DNAH11: variants seen among roughly 807,000 people sequenced by gnomAD.
DNAH11 encodes axonemal beta dynein heavy chain 11.
A neutral mutation model predicts 526.0 loss-of-function variants in DNAH11; 442 were observed. That is an observed-to-expected ratio of 0.84 (90% CI 0.78 to 0.91). The LOEUF (loss-of-function observed/expected upper bound fraction) is 0.91, where lower values mean the gene tolerates loss of function less well. Ranked by LOEUF, DNAH11 falls within the 40% of genes least tolerant of loss-of-function variation. The pLI is 0.00. For synonymous variants in DNAH11, 2,461 were observed against 1,935.9 expected (o/e 1.27, Z -7.12); for missense variants, 6,989 against 5,448.7 (o/e 1.28, Z -8.90).
At chr7:21,854,712 T>C (rs145903206) in intron 68 of DNAH11, among the ~76,000 whole-genome samples, 1,599 of 151,882 alleles carry the variant, frequency 0.011, 33 homozygotes, top group African/African-American at 0.036. Flanking sequence ...CTGGCTAATT[T>C]TTGTATTTTT....
Position 21,739,595 on chromosome 7 carries a change from T to G in DNAH11, c.7836T>G (p.Leu2612=). 1.9e-6 allele frequency: 3 copies of G among 1,612,694 alleles called. No homozygotes were observed. The highest frequency in any genetic ancestry group is 1.7e-6 in the Non-Finnish European group (2 of 1,179,428). The change falls in exon 48 of 82, where the codon CTT becomes CTG. Residue 2612 remains leucine, a synonymous_variant. Coordinates refer to ENST00000409508, the MANE Select transcript of DNAH11 (RefSeq NM_001277115.2). ...GHWYDRQKVM[L]KEIHNCQYVA... ...GGTATGATAGACAGAAGGTGATGCT[T>G]AAAGAAATCCATAACTGCCAGTATG...
chr7:21,702,800 C>T lies in DNAH11; in HGVS notation c.6271C>T (p.Gln2091Ter), dbSNP rs749172676. Residue 2091 changes from glutamine to a stop codon, truncating the protein, a stop_gained and splice_region_variant, in exon 37 of 82, where the codon CAG becomes TAG. Transcript: ENST00000409508. LOFTEE classifies it high-confidence loss of function. ...KRGDKNRPED[Q>*]VLMRALRDFN... is the part of the protein sequence containing the mutation. The stretch of plus-strand genomic sequence containing the variant: ...AGGAGATAAAAATAGACCCGAAGAT[C>T]AGGTACTGCAATGCTAATATGATTT... The T allele has an allele frequency of 6.2e-7, 1 of 1,611,736 alleles. No homozygotes were observed. Among genetic ancestry groups the T allele is most frequent in the Non-Finnish European group, 8.5e-7 (1 of 1,178,582 alleles).
At chr7:21,790,664 T>G (rs1788442530) in intron 61 of DNAH11, among the ~76,000 whole-genome samples, 2 of 152,116 alleles carry the variant, frequency 1.3e-5, no homozygotes, top group Admixed American at 6.5e-5. Context: ...AGATGTTGGT[T>G]AGGAACCACC....
chr7:21,675,605 A>T (rs1182444976), intron 30 of DNAH11, among the ~76,000 whole-genome samples: 1 of 152,190 alleles, frequency 6.6e-6, no homozygotes, highest in Non-Finnish European at 1.5e-5. Context: ...ATCTTGTATG[A>T]GTGAGTGAAT....
In DNAH11 at chr7:21,735,677, G is replaced by A; in HGVS notation, c.7478G>A (p.Arg2493Lys). ...CACACAACAGAGACAGCTCGTCTTA[G>A]ATATTTCATGGAGTTGTTGCTTGAG... ...LVHTTETARL[R>K]YFMELLLEKG... Residue 2493 changes from arginine (R) to lysine (K), a missense_variant, in exon 46 of 82, where the codon AGA (arginine) becomes AAA (lysine). Arg to Lys is a conservative substitution (Grantham distance 26, BLOSUM62 2). Coordinates refer to ENST00000409508, the MANE Select transcript of DNAH11 (RefSeq NM_001277115.2). 6.2e-7 allele frequency: 1 copy of A among 1,609,948 alleles called. No individual in the cohort carries two copies. Among genetic ancestry groups the A allele is most frequent in the Non-Finnish European group, 8.5e-7 (1 of 1,177,732 alleles).
At chr7:21,804,440 C>G (rs916157221) in intron 62 of DNAH11, among the ~76,000 whole-genome samples, 10 of 152,230 alleles carry the variant, frequency 6.6e-5, no homozygotes, top group Admixed American at 3.9e-4. Context: ...TAACTTATTA[C>G]CACAAATTTA....
chr7:21,643,278 C>A (rs1194261155), intron 28 of DNAH11, among the ~76,000 whole-genome samples: 4 of 152,198 alleles, frequency 2.6e-5, no homozygotes, highest in Non-Finnish European at 5.9e-5. Context: ...TGCACCCTTT[C>A]AGGTTGTTAT....
At chr7:21,550,107 C>T (rs1782962556) in intron 2 of DNAH11, among the ~76,000 whole-genome samples, 1 of 149,064 alleles carries the variant, frequency 6.7e-6, no homozygotes, top group African/African-American at 2.5e-5. Context: ...CCTTAGGTGA[C>T]CTGTGCACTT....
chr7:21,852,231 C>T (rs1213631259), intron 66 of DNAH11, among the ~76,000 whole-genome samples: 1 of 151,696 alleles, frequency 6.6e-6, no homozygotes. Context: ...GTGGTGAAAC[C>T]CCGTCTCTAC....
intron 42 of DNAH11, among the ~76,000 whole-genome samples, chr7:21,712,772 C>T (rs1400749886): frequency 6.6e-6 from 1 of 152,170 alleles, no homozygotes; most frequent in East Asian, 1.9e-4. Context: ...GTATAAAATT[C>T]TAAATATCTA....
At chr7:21,797,317 T>A (rs1788764743) in intron 61 of DNAH11, among the ~76,000 whole-genome samples, 3 of 151,764 alleles carry the variant, frequency 2.0e-5, no homozygotes. Context: ...CCTCCGAGGT[T>A]CAAGCAGTTC....
intron 25 of DNAH11, among the ~76,000 whole-genome samples, chr7:21,632,617 A>G (rs1786667464): frequency 6.6e-6 from 1 of 152,164 alleles, no homozygotes; most frequent in Admixed American, 6.5e-5. Context: ...CTAAAACATA[A>G]CAAGAGTCAC....
In DNAH11 at chr7:21,585,018, A is replaced by G. The variant is rs530892053; in HGVS notation, c.1710+2997A>G. Among the ~76,000 whole-genome samples the G allele has an allele frequency of 4.7e-5, 7 of 149,568 alleles. No homozygotes were observed. In the East Asian group the frequency reaches 9.6e-4, roughly 21 times the overall value. ...TTTTCAATTCAAGTCTCTCTTTTTC[A>G]CAACCATTAGTATGAATTCTGTTAT... On this transcript the variant is annotated intron_variant, in intron 9 of 81. Coordinates refer to ENST00000409508, the MANE Select transcript of DNAH11 (RefSeq NM_001277115.2).
intron 61 of DNAH11, among the ~76,000 whole-genome samples, chr7:21,800,095 A>T (rs1435421741): frequency 6.6e-6 from 1 of 152,236 alleles, no homozygotes; most frequent in Non-Finnish European, 1.5e-5. Flanking sequence ...GAGATCCAGG[A>T]AACAAGAAGC....
At position 21,818,307 on chromosome 7, in the gene DNAH11, A is replaced by T. The variant is rs986491571; in HGVS notation, c.10659A>T (p.Pro3553=). The change falls in exon 65 of 82, where the codon CCA becomes CCT. Residue 3553 remains proline (P), a synonymous_variant. Transcript: ENST00000409508. Reference sequence around the variant, plus strand: ...AAACGATAGATCCAGTCCTGGATCCACTACTTGGCAGGAACACAATTAAAA... The same window carrying T: ...AAACGATAGATCCAGTCCTGGATCCTCTACTTGGCAGGAACACAATTAAAA... The part of the protein sequence containing the change: ...LEETIDPVLD[P]LLGRNTIKKG... 9 of 1,608,920 alleles carry T rather than the reference A, an allele frequency of 5.6e-6. No homozygotes were observed. Among genetic ancestry groups the T allele is most frequent in the African/African-American group, 1.3e-5 (1 of 74,720 alleles).
rs192571650 is a variant in DNAH11, at chr7:21,573,181, G to A, written c.1593+1208G>A. Among the ~76,000 whole-genome samples the A allele has an allele frequency of 2.6e-3, 395 of 152,294 alleles. 2 individuals are homozygous for A. Among genetic ancestry groups the A allele is most frequent in the African/African-American group, 9.0e-3 (375 of 41,554 alleles). On this transcript the variant is annotated intron_variant, in intron 8 of 81. Coordinates refer to ENST00000409508, the MANE Select transcript of DNAH11 (RefSeq NM_001277115.2). ...CTACCTTGGCCATGCCAAAGGTCCT[G>A]ATTTTACTCCTGTCTCTGCCTAAAG...
In DNAH11 at chr7:21,561,123, G is replaced by A. The variant is rs1783442751; in HGVS notation, c.935G>A (p.Ser312Asn). The A allele has an allele frequency of 6.2e-6, 10 of 1,605,066 alleles. No homozygotes were observed. The highest frequency in any genetic ancestry group is 8.5e-6 in the Non-Finnish European group (10 of 1,175,644). Residue 312 changes from serine to asparagine, a missense_variant, in exon 5 of 82, where the codon AGC (serine) becomes AAC (asparagine). Physicochemically the swap from Ser to Asn is conservative, Grantham distance 46. Transcript: ENST00000409508. ...GTTAAGATCCTGACAACTAAACAAA[G>A]CAGCTATTTTCCTACTCTGAAGGAC... Reference protein sequence around the residue: ...KMVKILTTKQSSYFPTLKDIF... With the variant: ...KMVKILTTKQNSYFPTLKDIF...
At chr7:21,669,835 A>G (rs1030796443) in intron 30 of DNAH11, among the ~76,000 whole-genome samples, 1 of 152,008 alleles carries the variant, frequency 6.6e-6, no homozygotes, top group East Asian at 1.9e-4. Flanking sequence ...TTGAAAGTCA[A>G]CTGACTATAT....
intron 2 of DNAH11, among the ~76,000 whole-genome samples, chr7:21,548,560 G>A (rs62439333): frequency 0.19 from 29,522 of 152,028 alleles, 2,941 homozygotes; most frequent in Middle Eastern, 0.27. Context: ...ATGTATTTTC[G>A]GGTGTCTTAG....
Sources: allele counts gnomAD v4.1 joint callset (sites outside exome capture counted in the v4.1 genomes callset), GRCh38; gene constraint gnomAD v4.1.1; transcripts MANE v1.5; gene names NCBI Gene and HGNC (gene_info 2026-07-23, HGNC 2026-07-21).